Variants in XKR4 observed in about 807,000 individuals in gnomAD.
XKR4 encodes XK related 4.
Under a neutral mutation model 53.9 loss-of-function variants are expected in XKR4, and 12 were observed. The observed-to-expected ratio is 0.22, with a 90% confidence interval of 0.14 to 0.36. XKR4 has a LOEUF of 0.36. XKR4 is among the 10% of genes least tolerant of loss of function. The probability of loss-of-function intolerance (pLI) is 1.00; values close to 1 mark genes in which losing one functional copy is unlikely to be tolerated. For synonymous variants in XKR4, 354 were observed against 362.4 expected, an observed-to-expected ratio of 0.98 and a Z score of 0.26; for missense variants, 799 against 859.5, an observed-to-expected ratio of 0.93 and a Z score of 0.88.
At position 55,538,173 on chromosome 8, in the gene XKR4, C is replaced by G. The variant is rs1807056954; in HGVS notation, c.*13946C>G. The G allele has an allele frequency of 6.6e-6, 1 of 152,154 alleles. No individual in the cohort carries two copies. Among genetic ancestry groups the G allele is most frequent in the African/African-American group, 2.4e-5 (1 of 41,426 alleles). 9.4% of individuals were successfully genotyped at this position (152,154 alleles called of 1,614,324 possible). The stretch of plus-strand genomic sequence containing the variant: ...AGGGTCTATGGGTCAGTGACTGGGA[C>G]AAAGGAACTGGGAATCTCTGCACAA... On this transcript the variant is annotated 3_prime_UTR_variant, in exon 3 of 3. Transcript: ENST00000327381.
chr8:55,281,533 A>G (rs1012704268), intron 1 of XKR4, among the ~76,000 whole-genome samples: 8 of 152,306 alleles, frequency 5.3e-5, no homozygotes, highest in South Asian at 2.1e-4. Flanking sequence ...ACGTAGAAAC[A>G]TGCATGCCAC....
intron 2 of XKR4, among the ~76,000 whole-genome samples, chr8:55,511,632 C>G (rs543351602): frequency 1.9e-3 from 295 of 152,350 alleles, no homozygotes; most frequent in African/African-American, 6.9e-3. Context: ...TCTGCAAATC[C>G]TGGAACAGCT....
At chr8:55,387,249 A>G (rs977737676) in intron 2 of XKR4, among the ~76,000 whole-genome samples, 2 of 152,186 alleles carry the variant, frequency 1.3e-5, no homozygotes, top group African/African-American at 4.8e-5. Context: ...CACTCTTCTC[A>G]GCCCTCTGGG....
intron 1 of XKR4, among the ~76,000 whole-genome samples, chr8:55,297,099 G>A (rs527918064): frequency 2.6e-5 from 4 of 152,292 alleles, no homozygotes; most frequent in African/African-American, 9.6e-5. Flanking sequence ...AGACATGTAA[G>A]TAAATGCTTC....
intron 2 of XKR4, among the ~76,000 whole-genome samples, chr8:55,481,325 G>C (rs1179762117): frequency 6.6e-6 from 1 of 151,994 alleles, no homozygotes; most frequent in Non-Finnish European, 1.5e-5. Context: ...AATGGTGCTG[G>C]GAAAACTGGC....
At chr8:55,302,335 G>A (rs796716434) in intron 1 of XKR4, among the ~76,000 whole-genome samples, 420 of 124,826 alleles carry the variant, frequency 3.4e-3, no homozygotes, top group Admixed American at 6.1e-3. Context: ...TGAGGGCTCT[G>A]TTCTGTTCCA....
chr8:55,373,564 T>G (rs745431975), intron 2 of XKR4, among the ~76,000 whole-genome samples: 2 of 152,206 alleles, frequency 1.3e-5, no homozygotes, highest in Non-Finnish European at 2.9e-5. Flanking sequence ...GGTTGAAAAG[T>G]GGGAGTTTCC....
intron 1 of XKR4, among the ~76,000 whole-genome samples, chr8:55,222,258 G>A (rs992943362): frequency 2.6e-5 from 4 of 152,174 alleles, no homozygotes; most frequent in African/African-American, 9.7e-5. Context: ...TTTCCTGTGG[G>A]CGATGTTCTC....
At chr8:55,434,402 A>T (rs2129393940) in intron 2 of XKR4, among the ~76,000 whole-genome samples, 1 of 138,260 alleles carries the variant, frequency 7.2e-6, no homozygotes, top group South Asian at 2.4e-4. Flanking sequence ...TTCTTACTTG[A>T]TACCAATCGT....
chr8:55,108,265 A>G (rs1816180396), intron 1 of XKR4, among the ~76,000 whole-genome samples: 1 of 152,190 alleles, frequency 6.6e-6, no homozygotes, highest in African/African-American at 2.4e-5. Context: ...GAGAGTAGCT[A>G]GAGATGAGAT....
chr8:55,148,280 C>T (rs571232724), intron 1 of XKR4, among the ~76,000 whole-genome samples: 69 of 152,236 alleles, frequency 4.5e-4, no homozygotes, highest in Non-Finnish European at 4.4e-4. Flanking sequence ...TGGTGCACAC[C>T]TGTAGTCCCA....
intron 2 of XKR4, chr8:55,452,695 G>C (rs534718708): frequency 1.5e-6 from 2 of 1,350,120 alleles, no homozygotes; most frequent in Admixed American, 1.7e-5. Flanking sequence ...TCCACAAAGC[G>C]GTTGATGAAG....
At chr8:55,344,843 A>G (rs191256407) in intron 1 of XKR4, among the ~76,000 whole-genome samples, 1 of 152,354 alleles carries the variant, frequency 6.6e-6, no homozygotes, top group Admixed American at 6.5e-5. Context: ...TTCCTCCTCT[A>G]GGTCTAAGGA....
intron 2 of XKR4, among the ~76,000 whole-genome samples, chr8:55,399,288 T>C (rs1034805191): frequency 2.6e-5 from 4 of 152,188 alleles, no homozygotes; most frequent in African/African-American, 7.2e-5. Context: ...AAGATGAATG[T>C]CTGCTATGGA....
chr8:55,441,819 G>A (rs974840533), intron 2 of XKR4, among the ~76,000 whole-genome samples: 1 of 152,080 alleles, frequency 6.6e-6, no homozygotes, highest in Non-Finnish European at 1.5e-5. Context: ...TGCAATAAAA[G>A]CATGATATAT....
intron 1 of XKR4, among the ~76,000 whole-genome samples, chr8:55,122,760 A>G (rs1354476618): frequency 2.6e-5 from 4 of 152,198 alleles, no homozygotes; most frequent in African/African-American, 2.4e-5. Flanking sequence ...AATGAACTCT[A>G]TTCTAAATGC....
chr8:55,296,454 T>C (rs541534088), intron 1 of XKR4, among the ~76,000 whole-genome samples: 1 of 152,286 alleles, frequency 6.6e-6, no homozygotes, highest in South Asian at 2.1e-4. Flanking sequence ...CCTGTTAAGA[T>C]TCTGAACAAG....
At chr8:55,249,633 C>A (rs556260822) in intron 1 of XKR4, among the ~76,000 whole-genome samples, 1 of 152,306 alleles carries the variant, frequency 6.6e-6, no homozygotes, top group African/African-American at 2.4e-5. Flanking sequence ...AGTTGTTTGG[C>A]AGCTCCATCA....
Position 55,523,844 on chromosome 8 carries a change from C to G in XKR4, c.1570C>G (p.Pro524Ala). 6.2e-7 allele frequency: 1 copy of G among 1,614,202 alleles called. No homozygotes were observed. The highest frequency in any genetic ancestry group is 8.5e-7 in the Non-Finnish European group (1 of 1,180,026). ...HPNGPRFGQS[P>A]SCACEDPAAA... Reference sequence around the variant, plus strand: ...CAATGGACCCAGATTCGGGCAGTCACCAAGTTGTGCTTGTGAGGACCCAGC... The same window carrying G: ...CAATGGACCCAGATTCGGGCAGTCAGCAAGTTGTGCTTGTGAGGACCCAGC... Residue 524 changes from proline (P) to alanine (A), a missense_variant, in exon 3 of 3, where the codon CCA becomes GCA. Physicochemically the swap from Pro to Ala is conservative, Grantham distance 27. Transcript: ENST00000327381.
Sources: gnomAD v4.1 joint callset for allele counts (sites outside exome capture counted in the v4.1 genomes callset) on GRCh38, gnomAD v4.1.1 for gene constraint, MANE v1.5 for transcripts, NCBI Gene and HGNC (gene_info 2026-07-23, HGNC 2026-07-21) for gene names.